Variants in CDK5RAP1 observed in about 807,000 individuals in gnomAD.
The protein encoded by CDK5RAP1 is mitochondrial tRNA methylthiotransferase CDK5RAP1.
In CDK5RAP1, 62 loss-of-function variants were observed where a neutral mutation model predicts 64.5. That is an observed-to-expected ratio of 0.96 (90% CI 0.78 to 1.19). CDK5RAP1 has a LOEUF of 1.19. CDK5RAP1 is among the 50% of genes most tolerant of loss of function. The probability of loss-of-function intolerance (pLI) is 0.00; values close to 1 mark genes in which losing one functional copy is unlikely to be tolerated. For missense variants in CDK5RAP1, 657 were observed against 735.0 expected, an observed-to-expected ratio of 0.89 and a Z score of 1.23; for synonymous variants, 250 against 261.9, an observed-to-expected ratio of 0.95 and a Z score of 0.44.
chr20:33,390,821 G>A (rs938508406), intron 5 of CDK5RAP1, among the ~76,000 whole-genome samples: 1 of 152,100 alleles, frequency 6.6e-6, no homozygotes, highest in African/African-American at 2.4e-5. Context: ...ATCGTTAGGA[G>A]AGATTAATTT....
intron 12 of CDK5RAP1, among the ~76,000 whole-genome samples, chr20:33,362,809 T>C (rs949528961): frequency 1.3e-5 from 2 of 152,204 alleles, no homozygotes; most frequent in Non-Finnish European, 2.9e-5. Flanking sequence ...AAAGGGCACA[T>C]AATCTGCCAT....
chr20:33,373,767 G>GA (rs1419824398), intron 9 of CDK5RAP1: 2 of 227,924 alleles, frequency 8.8e-6, no homozygotes, highest in Non-Finnish European at 1.7e-5. Context: ...ACTAAACAGT[G>GA]AAAATGGATG....
chr20:33,392,083 A>T (rs1988381201), intron 5 of CDK5RAP1, 59 bp downstream of exon 5: 1 of 1,061,838 alleles, frequency 9.4e-7, no homozygotes, highest in Admixed American at 1.9e-5. Flanking sequence ...AACACTAGCA[A>T]ATAAAGCCAC....
At chr20:33,365,481 A>G (rs2146589514) in intron 12 of CDK5RAP1, among the ~76,000 whole-genome samples, 1 of 151,778 alleles carries the variant, frequency 6.6e-6, no homozygotes, top group Admixed American at 6.6e-5. Flanking sequence ...CATGTTGGCC[A>G]GACTGGTCTC....
intron 8 of CDK5RAP1, 141 bp downstream of exon 8, chr20:33,379,320 G>T: frequency 1.6e-6 from 1 of 624,894 alleles, no homozygotes; most frequent in South Asian, 2.0e-5. Flanking sequence ...CAAAGGACCA[G>T]CAGATCTGGA....
rs139208288 is a variant in CDK5RAP1, at chr20:33,387,382, G to T, written c.696C>A (p.Asp232Glu). The T allele has an allele frequency of 5.1e-4, 826 of 1,614,094 alleles. 1 individual carries two copies. The highest frequency in any genetic ancestry group is 4.8e-3 in the Admixed American group (287 of 60,022). The stretch of plus-strand genomic sequence containing the variant: ...CTGGCATGACATCAGCATAGGTCTC[G>T]TCCAGAGAGAGCAGCACGTTGGCAG... ...QQAANVLLSLDETYADVMPVQ... is the reference protein window; with the variant it reads ...QQAANVLLSLEETYADVMPVQ... The change falls in exon 6 of 14, where the codon GAC becomes GAA. Residue 232 changes from aspartate (D) to glutamate (E), a missense_variant. Asp to Glu is a conservative substitution (Grantham distance 45). Coordinates refer to ENST00000346416, the MANE Select transcript of CDK5RAP1 (RefSeq NM_016408.4).
chr20:33,377,494 C>T (rs554883229), intron 8 of CDK5RAP1, among the ~76,000 whole-genome samples: 19 of 152,328 alleles, frequency 1.2e-4, no homozygotes, highest in African/African-American at 4.6e-4. Context: ...AGCTTCCTCA[C>T]CTCTCTTGGG....
chr20:33,385,695 C>G lies in CDK5RAP1; in HGVS notation c.831G>C (p.Arg277=). The G allele has an allele frequency of 6.2e-7, 1 of 1,614,080 alleles. No individual in the cohort carries two copies. Among genetic ancestry groups the G allele is most frequent in the Non-Finnish European group, 8.5e-7 (1 of 1,179,926 alleles). ...CTTCCTCTAGAATGGAGGCAATAGGCCGACTCCTCTCCCTGCCCCGGGTGA... is the reference window on the plus strand; with the variant it reads ...CTTCCTCTAGAATGGAGGCAATAGGGCGACTCCTCTCCCTGCCCCGGGTGA... ...VPFTRGRERS[R]PIASILEEVK... The change falls in exon 7 of 14, where the codon CGG becomes CGC. Residue 277 remains arginine (R), a synonymous_variant. Coordinates refer to ENST00000346416, the MANE Select transcript of CDK5RAP1 (RefSeq NM_016408.4).
intron 5 of CDK5RAP1, among the ~76,000 whole-genome samples, chr20:33,391,577 T>C (rs915236774): frequency 2.0e-5 from 3 of 151,922 alleles, no homozygotes; most frequent in African/African-American, 7.3e-5. Flanking sequence ...ATCCCAACAC[T>C]TTGGGAGGCT....
intron 8 of CDK5RAP1, among the ~76,000 whole-genome samples, chr20:33,377,770 G>A (rs1324992883): frequency 6.6e-6 from 1 of 152,126 alleles, no homozygotes; most frequent in East Asian, 1.9e-4. Flanking sequence ...TCCTGCCTCA[G>A]CCTCCCAAGC....
chr20:33,360,405 G>C lies in CDK5RAP1; in HGVS notation c.1629C>G (p.Val543=). The C allele has an allele frequency of 6.2e-7, 1 of 1,613,992 alleles. No individual in the cohort carries two copies. Among genetic ancestry groups the C allele is most frequent in the Non-Finnish European group, 8.5e-7 (1 of 1,179,926 alleles). The change falls in exon 13 of 14, where the codon GTC becomes GTG. Residue 543 remains valine (V), a synonymous_variant. Coordinates refer to ENST00000346416, the MANE Select transcript of CDK5RAP1 (RefSeq NM_016408.4). ...VIFPDAEMED[V]NNPGLRVRAQ... ...CTCTGACCCTGAGCCCAGGGTTATT[G>C]ACATCCTCCATCTCTGCATCAGGGA...
chr20:33,398,431 T>C (rs1216549139), intron 1 of CDK5RAP1, among the ~76,000 whole-genome samples: 1 of 152,148 alleles, frequency 6.6e-6, no homozygotes, highest in Non-Finnish European at 1.5e-5. Flanking sequence ...GAGGAGAAGG[T>C]TGCAGTGAGC....
intron 12 of CDK5RAP1, among the ~76,000 whole-genome samples, chr20:33,362,913 C>A (rs933381954): frequency 6.6e-6 from 1 of 152,194 alleles, no homozygotes; most frequent in Non-Finnish European, 1.5e-5. Flanking sequence ...TTTAGGGAAA[C>A]AACCTTCAGC....
intron 11 of CDK5RAP1, among the ~76,000 whole-genome samples, chr20:33,367,516 C>T (rs1984210913): frequency 6.6e-6 from 1 of 152,174 alleles, no homozygotes; most frequent in South Asian, 2.1e-4. Flanking sequence ...TGCAGATCAA[C>T]ACATGTAACT....
At chr20:33,379,877 CT>C (rs1460636456) in intron 7 of CDK5RAP1, among the ~76,000 whole-genome samples, 186 bp from the exon 8 acceptor site, 1 of 152,062 alleles carries the variant, frequency 6.6e-6, no homozygotes, top group Non-Finnish European at 1.5e-5. Flanking sequence ...GACATCTTAC[CT>C]AAAGAGCTAA....
chr20:33,382,888 A>G lies in CDK5RAP1; in HGVS notation c.876+2762T>C, dbSNP rs1986946420. Reference sequence around the variant, plus strand: ...TCAAAATAAATAAATAAATAAGTAAATAAATAAATAGGCCAGGCACAGTGG... The same window carrying G: ...TCAAAATAAATAAATAAATAAGTAAGTAAATAAATAGGCCAGGCACAGTGG... On this transcript the variant is annotated intron_variant, in intron 7 of 13. Coordinates refer to ENST00000346416, the MANE Select transcript of CDK5RAP1 (RefSeq NM_016408.4). Among the ~76,000 whole-genome samples, 3 of 151,600 alleles carry G rather than the reference A, an allele frequency of 2.0e-5. No homozygotes were observed. The South Asian group carries it at 6.3e-4, about 32-fold the overall frequency.
intron 5 of CDK5RAP1, 55 bp from the exon 6 acceptor site, chr20:33,387,588 GCTT>G: frequency 7.1e-7 from 1 of 1,399,086 alleles, no homozygotes; most frequent in East Asian, 2.3e-5. Context: ...GTGTTTAATG[GCTT>G]CTTCTTATTC....
intron 7 of CDK5RAP1, among the ~76,000 whole-genome samples, chr20:33,381,186 T>C (rs1002049964): frequency 6.6e-6 from 1 of 151,342 alleles, no homozygotes; most frequent in East Asian, 1.9e-4. Context: ...CAGACACTCA[T>C]ATACACTCTC....
intron 7 of CDK5RAP1, 24 bp downstream of exon 7, chr20:33,385,626 A>C: frequency 6.2e-7 from 1 of 1,613,054 alleles, no homozygotes; most frequent in Non-Finnish European, 8.5e-7. Flanking sequence ...TGTTCACAGC[A>C]AGAAAGCCTG....
Sources: allele counts gnomAD v4.1 joint callset (sites outside exome capture counted in the v4.1 genomes callset), GRCh38; gene constraint gnomAD v4.1.1; transcripts MANE v1.5; gene names NCBI Gene and HGNC (gene_info 2026-07-23, HGNC 2026-07-21).